The following EIF3B variants were observed in gnomAD, a reference collection of about 807,000 sequenced individuals.
EIF3B encodes the protein eukaryotic translation initiation factor 3 subunit 9.
Under a neutral mutation model 104.6 loss-of-function variants are expected in EIF3B, and 10 were observed. That is an observed-to-expected ratio of 0.10 (90% CI 0.06 to 0.16). EIF3B has a LOEUF of 0.16. EIF3B is among the 10% of genes least tolerant of loss of function. The probability of loss-of-function intolerance (pLI) is 1.00; values close to 1 mark genes in which losing one functional copy is unlikely to be tolerated. For synonymous variants in EIF3B, 542 were observed against 417.2 expected (o/e 1.30, Z -3.65); for missense variants, 1,014 against 1,087.9 (o/e 0.93, Z 0.96).
At chr7:2,370,804 G>A (rs922295715) in intron 10 of EIF3B, among the ~76,000 whole-genome samples, 8 of 151,798 alleles carry the variant, frequency 5.3e-5, no homozygotes, top group African/African-American at 1.7e-4. Context: ...GGCCGGGCAC[G>A]GTGGCTCACG....
intron 15 of EIF3B, among the ~76,000 whole-genome samples, chr7:2,377,492 TCC>T (rs1562492416): frequency 3.6e-5 from 5 of 140,418 alleles, no homozygotes; most frequent in African/African-American, 1.3e-4. Flanking sequence ...GCACGAGCGC[TCC>T]TGGGATGCTG....
At chr7:2,372,057 A>T (rs1780372374) in intron 11 of EIF3B, 3 of 536,432 alleles carry the variant, frequency 5.6e-6, no homozygotes, top group Non-Finnish European at 1.0e-5. Context: ...AATAAAAAAA[A>T]TTAGCCAGGT....
In EIF3B at chr7:2,377,040, C is replaced by T. The variant is rs765257628; in HGVS notation, c.2119C>T (p.Arg707Trp). ...CTTCTGCCAGCTGCTGTGGCGGCCC[C>T]GGCCTCCCACACTCCTGAGCCAGGA... ...DRFCQLLWRP[R>W]PPTLLSQEQI... Residue 707 changes from arginine (R) to tryptophan (W), a missense_variant, in exon 15 of 19, where the codon CGG becomes TGG. Physicochemically the swap from Arg to Trp is moderately radical, Grantham distance 101 (BLOSUM62 -3). Coordinates refer to ENST00000360876, the MANE Select transcript of EIF3B (RefSeq NM_001037283.2). 4.3e-6 allele frequency: 7 copies of T among 1,613,606 alleles called. No homozygotes were observed. Among genetic ancestry groups the T allele is most frequent in the East Asian group, 2.2e-5 (1 of 44,872 alleles).
At position 2,355,136 on chromosome 7, in the gene EIF3B, C is replaced by T. The variant is rs1779328503; in HGVS notation, c.215C>T (p.Ala72Val). The change falls in exon 1 of 19, where the codon GCC (alanine) becomes GTC (valine). Residue 72 changes from alanine to valine, a missense_variant. By Grantham distance (64) the Ala-to-Val change is moderately conservative. Coordinates refer to ENST00000360876, the MANE Select transcript of EIF3B (RefSeq NM_001037283.2). ...TCCGAGGTGAGGACCGAGCCGGCGG[C>T]CGAGGCAGAGGCGGCCTCCGGCCCG... Reference protein sequence around the residue: ...PESEVRTEPAAEAEAASGPSE... With the variant: ...PESEVRTEPAVEAEAASGPSE... The T allele has an allele frequency of 1.4e-6, 2 of 1,409,516 alleles. No homozygotes were observed. Among genetic ancestry groups the T allele is most frequent in the African/African-American group, 1.5e-5 (1 of 65,954 alleles). 87.3% of individuals were successfully genotyped at this position (1,409,516 alleles called of 1,614,324 possible). A position where few individuals can be genotyped will look rare whatever the true frequency, so the allele number is the denominator to read the frequency against.
At chr7:2,368,668 A>G (rs1780159887) in intron 9 of EIF3B, among the ~76,000 whole-genome samples, 1 of 152,222 alleles carries the variant, frequency 6.6e-6, no homozygotes. Flanking sequence ...CTTTTAAGGA[A>G]AAGAGGGGAC....
intron 6 of EIF3B, 120 bp from the exon 7 acceptor site, chr7:2,366,197 G>A: frequency 9.3e-7 from 1 of 1,080,542 alleles, no homozygotes; most frequent in African/African-American, 1.6e-5. Flanking sequence ...GGGCCGGGCA[G>A]TGTGGGGTTT....
intron 13 of EIF3B, chr7:2,374,816 G>A (rs751908787): frequency 4.0e-5 from 18 of 450,890 alleles, no homozygotes; most frequent in East Asian, 6.5e-5. Context: ...TGAAATAAGC[G>A]CTCCCAGATG....
At chr7:2,371,016 T>C (rs1046655043) in intron 10 of EIF3B, among the ~76,000 whole-genome samples, 5 of 152,226 alleles carry the variant, frequency 3.3e-5, no homozygotes, top group African/African-American at 1.2e-4. Flanking sequence ...TGAGCCGAGA[T>C]TGCACCACTG....
At chr7:2,361,655 G>C (rs1779734628) in intron 2 of EIF3B, among the ~76,000 whole-genome samples, 1 of 152,066 alleles carries the variant, frequency 6.6e-6, no homozygotes, top group South Asian at 2.1e-4. Context: ...TCCTGACCTT[G>C]TGATCCACCC....
Position 2,366,383 on chromosome 7 carries a change from C to A in EIF3B, c.1224C>A (p.Asp408Glu). ...QDDPQAIIIW[D>E]ILTGHKKRGF... ...ACCCTCAGGCCATAATCATCTGGGA[C>A]ATCCTTACGGGGCACAAGAAGAGGG... Residue 408 changes from aspartate (D) to glutamate (E), a missense_variant, in exon 7 of 19, where the codon GAC becomes GAA. Asp to Glu is a conservative substitution (Grantham distance 45). Coordinates refer to ENST00000360876, the MANE Select transcript of EIF3B (RefSeq NM_001037283.2). The A allele has an allele frequency of 5.0e-6, 8 of 1,614,038 alleles. No individual in the cohort carries two copies. Among genetic ancestry groups the A allele is most frequent in the Non-Finnish European group, 6.8e-6 (8 of 1,179,996 alleles).
chr7:2,358,553 G>A (rs551894109), intron 1 of EIF3B, among the ~76,000 whole-genome samples: 1 of 152,186 alleles, frequency 6.6e-6, no homozygotes, highest in South Asian at 2.1e-4. Flanking sequence ...TTGAGATGGA[G>A]TCTCACTCTG....
intron 10 of EIF3B, among the ~76,000 whole-genome samples, chr7:2,371,029 C>T (rs530170594): frequency 6.6e-6 from 1 of 152,162 alleles, no homozygotes; most frequent in Admixed American, 6.5e-5. Flanking sequence ...CACCACTGCA[C>T]TCCAGCCTGG....
At chr7:2,367,399 G>A (rs1399003305) in intron 9 of EIF3B, among the ~76,000 whole-genome samples, 2 of 150,180 alleles carry the variant, frequency 1.3e-5, no homozygotes, top group Non-Finnish European at 3.0e-5. Flanking sequence ...ATTTCACCCT[G>A]TGAATCTGGG....
At chr7:2,355,966 T>C (rs1273792321) in intron 1 of EIF3B, among the ~76,000 whole-genome samples, 2 of 152,122 alleles carry the variant, frequency 1.3e-5, no homozygotes, top group African/African-American at 2.4e-5. Context: ...TTTCTTTATC[T>C]CTTGCGCTAA....
At chr7:2,369,957 A>G (rs1206920552) in intron 10 of EIF3B, among the ~76,000 whole-genome samples, 4 of 151,330 alleles carry the variant, frequency 2.6e-5, no homozygotes, top group Non-Finnish European at 5.9e-5. Context: ...TTGTATTTTT[A>G]TTAGAGACAG....
At chr7:2,356,567 C>T (rs1779453755) in intron 1 of EIF3B, among the ~76,000 whole-genome samples, 1 of 146,238 alleles carries the variant, frequency 6.8e-6, no homozygotes, top group Non-Finnish European at 1.5e-5. Context: ...CCTGCCACTG[C>T]ACTCCATCCT....
intron 12 of EIF3B, 85 bp from the exon 13 acceptor site, chr7:2,374,443 G>A (rs1479575647): frequency 1.5e-6 from 2 of 1,359,764 alleles, no homozygotes; most frequent in African/African-American, 1.4e-5. Flanking sequence ...TGGGCAGCAT[G>A]AGCACGGCCA....
In EIF3B at chr7:2,375,495, G is replaced by A. The variant is rs370274071; in HGVS notation, c.1996G>A (p.Val666Ile). Reference protein sequence around the residue: ...DVEWDPTGRYVVTSVSWWSHK... With the variant: ...DVEWDPTGRYIVTSVSWWSHK... ...CGAATGGGATCCTACTGGGCGCTAC[G>A]TCGTCACCTCTGTGTCCTGGTGGAG... The change falls in exon 14 of 19, where the codon GTC becomes ATC. Residue 666 changes from valine to isoleucine, a missense_variant. Val to Ile is a conservative substitution (Grantham distance 29). Transcript: ENST00000360876. 27 of 1,614,092 alleles carry A rather than the reference G, an allele frequency of 1.7e-5. No homozygotes were observed. The highest frequency in any genetic ancestry group is 1.6e-4 in the Middle Eastern group (1 of 6,084).
At chr7:2,377,565 G>GTT (rs1562492641) in intron 15 of EIF3B, among the ~76,000 whole-genome samples, 2 of 45,758 alleles carry the variant, frequency 4.4e-5, no homozygotes. Context: ...CTCCTGGGAT[G>GTT]CTGTGTTCTG....
Sources: gnomAD v4.1 joint callset for allele counts (sites outside exome capture counted in the v4.1 genomes callset) on GRCh38, gnomAD v4.1.1 for gene constraint, MANE v1.5 for transcripts, NCBI Gene and HGNC (gene_info 2026-07-23, HGNC 2026-07-21) for gene names.